Variants in E2F3 observed in about 807,000 individuals in gnomAD.
The protein encoded by E2F3 is transcription factor E2F3.
In E2F3, 11 loss-of-function variants were observed where a neutral mutation model predicts 44.4. The observed-to-expected ratio is 0.25, with a 90% CI of 0.16 to 0.41. The LOEUF (loss-of-function observed/expected upper bound fraction) is 0.41. Ranked by LOEUF, E2F3 falls within the 10% of genes least tolerant of loss-of-function variation. The pLI is 1.00. For synonymous variants in E2F3, 249 were observed against 253.0 expected (o/e 0.98, Z 0.15); for missense variants, 487 against 583.6 (o/e 0.83, Z 1.70).
At chr6:20,480,009 G>A (rs188559165) in intron 2 of E2F3, 52 bp downstream of exon 2, 83 of 1,549,864 alleles carry the variant, frequency 5.4e-5, no homozygotes, top group Non-Finnish European at 6.7e-5. Context: ...GCATTTCCAA[G>A]TTTCAAAGCT....
chr6:20,488,642 A>T (rs113900430), intron 6 of E2F3, among the ~76,000 whole-genome samples: 4 of 152,254 alleles, frequency 2.6e-5, no homozygotes, highest in African/African-American at 9.6e-5. Context: ...TTGTTGGAGA[A>T]TTTTTGTCTT....
intron 1 of E2F3, among the ~76,000 whole-genome samples, chr6:20,412,514 G>GTCA (rs1369114185): frequency 6.6e-6 from 1 of 151,988 alleles, no homozygotes; most frequent in Non-Finnish European, 1.5e-5. Context: ...TTGGACTAGA[G>GTCA]TCATCAGTAT....
At chr6:20,460,113 G>A (rs556926064) in intron 1 of E2F3, among the ~76,000 whole-genome samples, 2 of 152,226 alleles carry the variant, frequency 1.3e-5, no homozygotes, top group South Asian at 4.2e-4. Flanking sequence ...GGCTTCCCAC[G>A]ACTTGTCTCC....
chr6:20,465,916 A>G (rs1028385382), intron 1 of E2F3, among the ~76,000 whole-genome samples: 2 of 152,188 alleles, frequency 1.3e-5, no homozygotes, highest in Non-Finnish European at 2.9e-5. Flanking sequence ...ATGCGTGTGC[A>G]AATATTTTTT....
intron 1 of E2F3, among the ~76,000 whole-genome samples, chr6:20,411,821 C>T (rs1417471909): frequency 6.6e-6 from 1 of 152,208 alleles, no homozygotes; most frequent in East Asian, 1.9e-4. Context: ...TCCTGTAACA[C>T]CTCATGGTCT....
chr6:20,421,571 T>C (rs979783165), intron 1 of E2F3: 4 of 152,240 alleles, frequency 2.6e-5, no homozygotes. Flanking sequence ...TTCTGAGCAG[T>C]AGTTATCAAC....
At chr6:20,477,375 T>C (rs1408182268) in intron 1 of E2F3, among the ~76,000 whole-genome samples, 1 of 152,152 alleles carries the variant, frequency 6.6e-6, no homozygotes, top group Non-Finnish European at 1.5e-5. Context: ...AGAGGAAATG[T>C]TATCAATAAA....
intron 1 of E2F3, chr6:20,403,828 A>T: frequency 5.3e-6 from 8 of 1,496,480 alleles, no homozygotes; most frequent in Non-Finnish European, 7.1e-6. Context: ...CCCTTACAGC[A>T]GCAGGTTAGT....
chr6:20,481,926 G>T (rs1762236688), intron 3 of E2F3, among the ~76,000 whole-genome samples: 1 of 152,108 alleles, frequency 6.6e-6, no homozygotes, highest in South Asian at 2.1e-4. Context: ...AGACTTAAAT[G>T]CCTCCATTTC....
chr6:20,431,437 A>C (rs539474721), intron 1 of E2F3, among the ~76,000 whole-genome samples: 48 of 152,258 alleles, frequency 3.2e-4, no homozygotes, highest in Middle Eastern at 6.8e-3. Context: ...GTCCTGCCTC[A>C]GGTGCCAGGA....
chr6:20,488,211 A>C lies in E2F3; in HGVS notation c.1098A>C (p.Gln366His). ...ACAGTCCAATGAAAACAAACAACCA[A>C]GACCACAATGGGAATATCCCTAAAC... ...ETHSPMKTNN[Q>H]DHNGNIPKPA... Residue 366 changes from glutamine (Q) to histidine (H), a missense_variant, in exon 6 of 7, where the codon CAA becomes CAC. Physicochemically the swap from Gln to His is conservative, Grantham distance 24. Coordinates refer to ENST00000346618, the MANE Select transcript of E2F3 (RefSeq NM_001949.5). 6.2e-7 allele frequency: 1 copy of C among 1,609,214 alleles called. No homozygotes were observed. Among genetic ancestry groups the C allele is most frequent in the Non-Finnish European group, 8.5e-7 (1 of 1,178,896 alleles).
chr6:20,404,652 GTCTTAA>G (rs1759432322), intron 1 of E2F3, among the ~76,000 whole-genome samples: 1 of 152,158 alleles, frequency 6.6e-6, no homozygotes, highest in Admixed American at 6.5e-5. Context: ...CCCGGGTTCG[GTCTTAA>G]CTGCTTTCCA....
At chr6:20,474,053 A>T (rs949695967) in intron 1 of E2F3, among the ~76,000 whole-genome samples, 5 of 151,552 alleles carry the variant, frequency 3.3e-5, no homozygotes, top group Non-Finnish European at 7.4e-5. Context: ...CAGACTATAG[A>T]TGTTCCCCAC....
chr6:20,476,334 G>A (rs1365404262), intron 1 of E2F3, among the ~76,000 whole-genome samples: 1 of 151,930 alleles, frequency 6.6e-6, no homozygotes. Context: ...TTGCACCACT[G>A]CACTCCAGCC....
chr6:20,492,437 G>A lies in E2F3; in HGVS notation c.*2007G>A. 1 of 233,772 alleles carries A rather than the reference G, an allele frequency of 4.3e-6. No homozygotes were observed. Among genetic ancestry groups the A allele is most frequent in the Non-Finnish European group, 8.5e-6 (1 of 118,018 alleles). The allele number at this position is 233,772 out of a possible 1,614,324, so 14.5% of individuals were successfully genotyped here. ...GAAGCATTGGGGTGGGGGAGGGAGA[G>A]GGAGCTTTGTGTTAAGTGCCTACTG... On this transcript the variant is annotated 3_prime_UTR_variant, in exon 7 of 7. Coordinates refer to ENST00000346618, the MANE Select transcript of E2F3 (RefSeq NM_001949.5).
chr6:20,443,714 GC>G (rs1207967208), intron 1 of E2F3, among the ~76,000 whole-genome samples: 3 of 152,004 alleles, frequency 2.0e-5, no homozygotes, highest in Non-Finnish European at 4.4e-5. Flanking sequence ...TTCCCATTCT[GC>G]CCCCCAATTT....
At position 20,490,239 on chromosome 6, in the gene E2F3, C is replaced by A; in HGVS notation, c.1207C>A (p.Pro403Thr). The change falls in exon 7 of 7, where the codon CCA (proline) becomes ACA (threonine). Residue 403 changes from proline to threonine, a missense_variant. Pro to Thr is a conservative substitution (Grantham distance 38). Coordinates refer to ENST00000346618, the MANE Select transcript of E2F3 (RefSeq NM_001949.5). The surrounding 1 kb of genome is among the most constrained non-coding windows in gnomAD (Gnocchi z 4.3). ...GGGAAACCTTTCTCCTCTGGCCTCC[C>A]CAGCCAACCTCTTACAGCAGACTGA... ...SMGNLSPLAS[P>T]ANLLQQTEDQ... 1 of 1,614,148 alleles carries A rather than the reference C, an allele frequency of 6.2e-7. No individual in the cohort carries two copies. The highest frequency in any genetic ancestry group is 8.5e-7 in the Non-Finnish European group (1 of 1,180,008).
rs559492725 is a variant in E2F3, at chr6:20,449,980, G to C, written c.394-29866G>C. On this transcript the variant is annotated intron_variant, in intron 1 of 6. Transcript: ENST00000346618. Reference sequence around the variant, plus strand: ...TATTTTTATGGCTGCATAGTATTCCGAGGTATATATGTACCACATTTTCAT... The same window carrying C: ...TATTTTTATGGCTGCATAGTATTCCCAGGTATATATGTACCACATTTTCAT... 2.0e-4 allele frequency among the ~76,000 whole-genome samples: 30 copies of C among 152,084 alleles called. No homozygotes were observed. The South Asian group carries it at 5.4e-3, about 27-fold the overall frequency.
chr6:20,474,747 A>G (rs1381864030), intron 1 of E2F3, among the ~76,000 whole-genome samples: 1 of 152,244 alleles, frequency 6.6e-6, no homozygotes, highest in Non-Finnish European at 1.5e-5. Context: ...CATTAAAATA[A>G]TGCTGCTCCA....
Sources: gnomAD v4.1 joint callset for allele counts (sites outside exome capture counted in the v4.1 genomes callset) on GRCh38, gnomAD v4.1.1 for gene constraint, Gnocchi (gnomAD v3.1) non-coding constraint, MANE v1.5 for transcripts, NCBI Gene and HGNC (gene_info 2026-07-23, HGNC 2026-07-21) for gene names.